Variants in ACOX3 observed in about 807,000 individuals in gnomAD.
ACOX3 encodes the protein peroxisomal acyl-coenzyme A oxidase 3.
Under a neutral mutation model 81.5 loss-of-function variants are expected in ACOX3, and 73 were observed. The ratio of observed to expected loss-of-function variants is 0.90; its 90% CI spans 0.74 to 1.09. The LOEUF (loss-of-function observed/expected upper bound fraction) is 1.09, where lower values mean the gene tolerates loss of function less well. ACOX3 is among the 50% of genes least tolerant of loss of function. ACOX3 has a pLI of 0.00. For missense variants in ACOX3, 947 were observed against 928.0 expected, an observed-to-expected ratio of 1.02 and a Z score of -0.27; for synonymous variants, 387 against 375.1, an observed-to-expected ratio of 1.03 and a Z score of -0.37.
In ACOX3 at chr4:8,389,470, G is replaced by T; in HGVS notation, c.1423+142C>A. ...GCCTTTGCCCATGCCTTGGGGAGTTGGTCGGCACTATCTAATAACATTTCT... is the reference window on the plus strand; with the variant it reads ...GCCTTTGCCCATGCCTTGGGGAGTTTGTCGGCACTATCTAATAACATTTCT... On this transcript the variant is annotated intron_variant, in intron 12 of 17. Transcript: ENST00000356406. This position sits in a 1 kb window ranked among gnomAD's most constrained non-coding sequence, Gnocchi z 5.3. 1 of 1,416,058 alleles carries T rather than the reference G, an allele frequency of 7.1e-7. No individual in the cohort carries two copies. Among genetic ancestry groups the T allele is most frequent in the Non-Finnish European group, 9.6e-7 (1 of 1,039,352 alleles). 87.7% of individuals were successfully genotyped at this position (1,416,058 alleles called of 1,614,324 possible).
At chr4:8,433,047 G>A (rs1724040342) in intron 1 of ACOX3, among the ~76,000 whole-genome samples, 1 of 152,222 alleles carries the variant, frequency 6.6e-6, no homozygotes, top group Admixed American at 6.5e-5. Context: ...ACAGGACAGT[G>A]CTATGTAGAC....
Position 8,432,426 on chromosome 4 carries a change from G to GT in ACOX3, c.-15+8221dup, listed in dbSNP as rs1724010352. On this transcript the variant is annotated intron_variant, in intron 1 of 17. Transcript: ENST00000356406. This position sits in a 1 kb window ranked among gnomAD's most constrained non-coding sequence, Gnocchi z 6.2. ...TTTTTTGTATTTTTAGTAGAGACAG[G>GT]TTTTCACTGTGTTAGCCAGGATAGT... Among the ~76,000 whole-genome samples, 2 of 152,034 alleles carry GT rather than the reference G, an allele frequency of 1.3e-5. No individual in the cohort carries two copies. Among genetic ancestry groups the GT allele is most frequent in the African/African-American group, 4.8e-5 (2 of 41,380 alleles).
chr4:8,368,618 G>C lies in ACOX3; in HGVS notation c.1984-1538C>G, dbSNP rs1038852349. Among the ~76,000 whole-genome samples the C allele has an allele frequency of 1.3e-5, 2 of 152,164 alleles. No homozygotes were observed. The highest frequency in any genetic ancestry group is 2.4e-5 in the African/African-American group (1 of 41,426). On this transcript the variant is annotated intron_variant, in intron 17 of 17. Coordinates refer to ENST00000356406, the MANE Select transcript of ACOX3 (RefSeq NM_003501.3). This position sits in a 1 kb window ranked among gnomAD's most constrained non-coding sequence, Gnocchi z 5.9. Reference sequence around the variant, plus strand: ...TTTCACAGTTTGGAGCAGCGGGCTTGATTTAAGGATGGTCTCAACTCCCCT... The same window carrying C: ...TTTCACAGTTTGGAGCAGCGGGCTTCATTTAAGGATGGTCTCAACTCCCCT...
At chr4:8,390,117 C>CAAAA (rs1718806802) in intron 11 of ACOX3, among the ~76,000 whole-genome samples, 1 of 132,922 alleles carries the variant, frequency 7.5e-6, no homozygotes, top group Non-Finnish European at 1.6e-5. Flanking sequence ...ACAACAACAA[C>CAAAA]AAAAAAAGCC....
At position 8,369,356 on chromosome 4, in the gene ACOX3, C is replaced by G. The variant is rs116186125; in HGVS notation, c.1983+1552G>C. 1.8e-4 allele frequency among the ~76,000 whole-genome samples: 28 copies of G among 152,280 alleles called. No homozygotes were observed. The South Asian group carries it at 1.9e-3, about 10-fold the overall frequency. On this transcript the variant is annotated intron_variant, in intron 17 of 17. Transcript: ENST00000356406. Reference sequence around the variant, plus strand: ...GCGCTCCCCCAGGACCCAAGGCTCCCGCCAAGTCTTCTCTCCCTACAGCAG... The same window carrying G: ...GCGCTCCCCCAGGACCCAAGGCTCCGGCCAAGTCTTCTCTCCCTACAGCAG...
Position 8,391,031 on chromosome 4 carries a change from GTGTATATGTATATGTATATGTATA to G in ACOX3, c.1300+1278_1301-1298del, listed in dbSNP as rs57021460. On this transcript the variant is annotated intron_variant, in intron 11 of 17. Coordinates refer to ENST00000356406, the MANE Select transcript of ACOX3 (RefSeq NM_003501.3). ...TATGTATGTGTATATGTATATGTAT[GTGTATATGTATATGTATATGTATA>G]TGTATATGTATATGTATATGATTAA... Among the ~76,000 whole-genome samples, 173 of 148,224 alleles carry G rather than the reference GTGTATATGTATATGTATATGTATA, an allele frequency of 1.2e-3. 1 individual carries two copies. The highest frequency in any genetic ancestry group is 4.2e-3 in the African/African-American group (168 of 40,310).
At chr4:8,408,794 G>A (rs1018734746) in intron 6 of ACOX3, among the ~76,000 whole-genome samples, 3 of 151,086 alleles carry the variant, frequency 2.0e-5, no homozygotes, top group African/African-American at 7.3e-5. Flanking sequence ...GAAGACCAAG[G>A]TACAATTAGG....
In ACOX3 at chr4:8,408,259, CA is replaced by C. The variant is rs201696645; in HGVS notation, c.687+1952del. Among the ~76,000 whole-genome samples, 495 of 132,618 alleles carry C rather than the reference CA, an allele frequency of 3.7e-3. 2 individuals carry two copies. Among genetic ancestry groups the C allele is most frequent in the Middle Eastern group, 7.4e-3 (2 of 270 alleles). The allele number at this position is 132,618 out of a possible 152,430, so 87.0% of individuals were successfully genotyped here. A position where few individuals can be genotyped will look rare whatever the true frequency, so the allele number is the denominator to read the frequency against. ...CAGTAAAGATTCAGACACTGTCTCA[CA>C]AAAAAAAAAAAAAGAAAAAAAGAAA... On this transcript the variant is annotated intron_variant, in intron 6 of 17. Coordinates refer to ENST00000356406, the MANE Select transcript of ACOX3 (RefSeq NM_003501.3).
At chr4:8,424,787 G>A (rs569345642) in intron 1 of ACOX3, among the ~76,000 whole-genome samples, 4 of 152,316 alleles carry the variant, frequency 2.6e-5, no homozygotes, top group Admixed American at 1.3e-4. Context: ...TACGCCGCTC[G>A]AGGGGACCTT....
At chr4:8,356,652 G>A in the ACOX3 span, 1 of 455,350 alleles carries the variant, frequency 2.2e-6, no homozygotes, top group Admixed American at 2.4e-5. Flanking sequence ...TGTGCAGAAT[G>A]GGGAACACTA....
rs770614524 is a variant in ACOX3 at position 8,392,458 on chromosome 4, G to A, written c.1180-5C>T. ...GATCTCACGTCCAAGCTCTGCCTTT[G>A]GGTGAGGGAATCCAACAAGAACAGG... On this transcript the variant is annotated splice_region_variant and splice_polypyrimidine_tract_variant and intron_variant, in intron 10 of 17. Coordinates refer to ENST00000356406, the MANE Select transcript of ACOX3 (RefSeq NM_003501.3). The A allele has an allele frequency of 1.3e-6, 2 of 1,561,838 alleles. No individual in the cohort carries two copies. The highest frequency in any genetic ancestry group is 1.2e-5 in the South Asian group (1 of 83,660).
chr4:8,388,422 G>T (rs770122679), intron 13 of ACOX3, among the ~76,000 whole-genome samples: 1 of 152,258 alleles, frequency 6.6e-6, no homozygotes, highest in Non-Finnish European at 1.5e-5. Flanking sequence ...CCAGGAACGC[G>T]AGAGCAGCTG....
chr4:8,377,568 G>C (rs1302912931), intron 14 of ACOX3, among the ~76,000 whole-genome samples: 1 of 152,210 alleles, frequency 6.6e-6, no homozygotes, highest in Non-Finnish European at 1.5e-5. Context: ...GGAAGCGCCT[G>C]CGATGGCAGC....
chr4:8,391,025 ATGTATG>A (rs1326612768), intron 11 of ACOX3, among the ~76,000 whole-genome samples: 25 of 101,852 alleles, frequency 2.5e-4, no homozygotes, highest in African/African-American at 8.5e-4. Context: ...GTATATGTAT[ATGTATG>A]TGTATATGTA....
At position 8,389,140 on chromosome 4, in the gene ACOX3, G is replaced by T; in HGVS notation, c.1537+33C>A. On this transcript the variant is annotated intron_variant, in intron 13 of 17. Coordinates refer to ENST00000356406, the MANE Select transcript of ACOX3 (RefSeq NM_003501.3). This position sits in a 1 kb window ranked among gnomAD's most constrained non-coding sequence, Gnocchi z 5.3. ...CCTGGTGGGAATGACAGGAAATCAGGAGGCCAGGGGAGCCCTCCACCTGTG... is the reference window on the plus strand; with the variant it reads ...CCTGGTGGGAATGACAGGAAATCAGTAGGCCAGGGGAGCCCTCCACCTGTG... 1 of 1,567,508 alleles carries T rather than the reference G, an allele frequency of 6.4e-7. No homozygotes were observed. The highest frequency in any genetic ancestry group is 1.1e-5 in the South Asian group (1 of 89,382).
chr4:8,411,145 G>C (rs1489653251), intron 5 of ACOX3, among the ~76,000 whole-genome samples: 3 of 152,322 alleles, frequency 2.0e-5, no homozygotes, highest in East Asian at 3.9e-4. Context: ...GCCGGGATCC[G>C]CAAGGGGACA....
Position 8,389,042 on chromosome 4 carries a change from G to T in ACOX3, c.1537+131C>A. The T allele has an allele frequency of 1.5e-6, 1 of 687,070 alleles. No homozygotes were observed. 42.6% of individuals were successfully genotyped at this position (687,070 alleles called of 1,614,324 possible). ...TGAGCCAGCCCAGGACAAGCTGCAT[G>T]CGGGGCCTCCCACCACCACTGCTGC... On this transcript the variant is annotated intron_variant, in intron 13 of 17. Transcript: ENST00000356406. The surrounding 1 kb of genome is among the most constrained non-coding windows in gnomAD (Gnocchi z 5.3).
rs201944522 is a variant in ACOX3, at chr4:8,394,644, T to G, written c.1155A>C (p.Ala385=). 1 of 1,613,686 alleles carries G rather than the reference T, an allele frequency of 6.2e-7. No individual in the cohort carries two copies. ...CCTGTCTGGCGCTGCGGTCTCCCGA[T>G]GCAAGTCCTCGCTGGAGCTCCACCA... The part of the protein sequence containing the change: ...LDLVELQRGL[A]SGDRSARQAE... The change falls in exon 10 of 18, where the codon GCA becomes GCC. Residue 385 remains alanine (A), a synonymous_variant. Transcript: ENST00000356406. The surrounding 1 kb of genome is among the most constrained non-coding windows in gnomAD (Gnocchi z 5.9).
At chr4:8,409,242 G>A (rs1721405772) in intron 6 of ACOX3, among the ~76,000 whole-genome samples, 1 of 152,254 alleles carries the variant, frequency 6.6e-6, no homozygotes, top group South Asian at 2.1e-4. Context: ...CAACCAGATG[G>A]TCTCAGAGGC....
Sources: gnomAD v4.1 joint callset for allele counts (sites outside exome capture counted in the v4.1 genomes callset) on GRCh38, gnomAD v4.1.1 for gene constraint, Gnocchi (gnomAD v3.1) non-coding constraint, MANE v1.5 for transcripts, NCBI Gene and HGNC (gene_info 2026-07-23, HGNC 2026-07-21) for gene names.